The following TDRD9 variants were observed in gnomAD, a reference collection of about 807,000 sequenced individuals.
TDRD9 encodes ATP-dependent RNA helicase TDRD9.
Under a neutral mutation model 172.6 loss-of-function variants are expected in TDRD9, and 124 were observed. The observed-to-expected ratio is 0.72, with a 90% CI of 0.62 to 0.83. The LOEUF (loss-of-function observed/expected upper bound fraction) is 0.83. TDRD9 is among the 40% of genes least tolerant of loss of function. The pLI, the probability that TDRD9 is intolerant of heterozygous loss-of-function variation, is 0.00. For synonymous variants in TDRD9, 619 were observed against 617.1 expected, an observed-to-expected ratio of 1.00 and a Z score of -0.05; for missense variants, 1,479 against 1,714.1, an observed-to-expected ratio of 0.86 and a Z score of 2.42.
chr14:103,961,326 A>T (rs1271345494), intron 2 of TDRD9, among the ~76,000 whole-genome samples: 1 of 152,150 alleles, frequency 6.6e-6, no homozygotes, highest in Non-Finnish European at 1.5e-5. Context: ...CATGCCTGTA[A>T]TCTCAGCAAT....
chr14:103,971,192 C>G (rs1238735556), intron 6 of TDRD9, among the ~76,000 whole-genome samples: 2 of 151,418 alleles, frequency 1.3e-5, no homozygotes, highest in East Asian at 1.9e-4. Context: ...ATCGTGTTAG[C>G]CAGGATGGTC....
At chr14:103,988,973 A>C (rs924266223) in intron 8 of TDRD9, among the ~76,000 whole-genome samples, 4 of 151,996 alleles carry the variant, frequency 2.6e-5, no homozygotes, top group African/African-American at 4.8e-5. Context: ...TTCTTTGTTC[A>C]TGTGGATTTG....
chr14:103,936,882 G>A (rs1004973373), intron 1 of TDRD9, among the ~76,000 whole-genome samples: 1 of 152,118 alleles, frequency 6.6e-6, no homozygotes, highest in East Asian at 1.9e-4. Context: ...ACTTGAGGCC[G>A]GGAATTCGAG....
At chr14:104,035,156 G>A (rs2035413211) in intron 32 of TDRD9, 100 bp downstream of exon 32, 2 of 890,668 alleles carry the variant, frequency 2.2e-6, no homozygotes, top group African/African-American at 1.7e-5. Flanking sequence ...AAGCCTTTAT[G>A]GAAGCTAGCC....
chr14:104,025,934 C>A (rs1214316932), intron 26 of TDRD9, 113 bp from the exon 27 acceptor site: 3 of 971,226 alleles, frequency 3.1e-6, no homozygotes, highest in Non-Finnish European at 4.8e-6. Flanking sequence ...AAGCTCAGGT[C>A]ACTCCAAGAA....
chr14:104,007,100 CT>C, intron 18 of TDRD9, 59 bp from the exon 19 acceptor site: 1 of 1,494,802 alleles, frequency 6.7e-7, no homozygotes, highest in African/African-American at 1.4e-5. Context: ...TGAAATTGTA[CT>C]TAAAAAAAAT....
chr14:104,045,220 G>A (rs2035734526), intron 34 of TDRD9, among the ~76,000 whole-genome samples: 2 of 152,080 alleles, frequency 1.3e-5, no homozygotes, highest in South Asian at 4.2e-4. Flanking sequence ...CAGCAACATA[G>A]GCTGGCTCTG....
intron 32 of TDRD9, 112 bp from the exon 33 acceptor site, chr14:104,040,084 T>C: frequency 1.1e-6 from 1 of 949,688 alleles, no homozygotes; most frequent in Non-Finnish European, 1.4e-6. Flanking sequence ...AATTAATTGC[T>C]GTACTAGGGC....
In TDRD9 at chr14:103,938,440, A is replaced by ATTTTTTTTTTTT. The variant is rs71126087; in HGVS notation, c.215+9721_215+9732dup. 5.6e-4 allele frequency among the ~76,000 whole-genome samples: 25 copies of ATTTTTTTTTTTT among 44,534 alleles called. 1 individual carries two copies. The highest frequency in any genetic ancestry group is 1.7e-3 in the East Asian group (2 of 1,208). The allele number at this position is 44,534 out of a possible 152,430, so 29.2% of individuals were successfully genotyped here. A position where few individuals can be genotyped will look rare whatever the true frequency, so the allele number is the denominator to read the frequency against. ...TATATATATATATATATATATATAT[A>ATTTTTTTTTTTT]TTTTTTTTTTTTTTTTGAGATGGTG... On this transcript the variant is annotated intron_variant, in intron 1 of 35. Coordinates refer to ENST00000409874, the MANE Select transcript of TDRD9 (RefSeq NM_153046.3).
chr14:104,025,910 T>G, intron 26 of TDRD9, 134 bp downstream of exon 26: 2 of 982,614 alleles, frequency 2.0e-6, no homozygotes, highest in Non-Finnish European at 3.1e-6. Flanking sequence ...TTTCCCTCAT[T>G]GATATGTGGA....
Position 104,026,938 on chromosome 14 carries a change from A to G in TDRD9, c.3281A>G (p.Lys1094Arg), listed in dbSNP as rs1175471437. ...CTCACGGAGGAGTCCTACGAGTCCA[A>G]GGTGTGTGCTTTCGCCGTTGCTGGA... is the stretch of plus-strand genomic sequence containing the variant. ...AELTEESYES[K>R]QSHEVLKGLF... is the part of the protein sequence containing the mutation. Residue 1094 changes from lysine (K) to arginine (R), a missense_variant and splice_region_variant, in exon 28 of 36, where the codon AAG (lysine) becomes AGG (arginine). Lys to Arg is a conservative substitution (Grantham distance 26, BLOSUM62 2). Coordinates refer to ENST00000409874, the MANE Select transcript of TDRD9 (RefSeq NM_153046.3). The G allele has an allele frequency of 2.5e-6, 4 of 1,612,070 alleles. No homozygotes were observed. The highest frequency in any genetic ancestry group is 3.4e-6 in the Non-Finnish European group (4 of 1,178,442).
At chr14:103,969,124 C>CAAA (rs2032904896) in intron 5 of TDRD9, among the ~76,000 whole-genome samples, 6 of 148,936 alleles carry the variant, frequency 4.0e-5, no homozygotes, top group Non-Finnish European at 7.4e-5. Context: ...AAAAAAAAAC[C>CAAA]CCCCAAAAAA....
intron 5 of TDRD9, 116 bp from the exon 6 acceptor site, chr14:103,970,425 G>A: frequency 1.4e-6 from 1 of 711,104 alleles, no homozygotes; most frequent in Non-Finnish European, 2.4e-6. Context: ...CTGAGGAACT[G>A]CATTTAGCAG....
intron 2 of TDRD9, 76 bp from the exon 3 acceptor site, chr14:103,963,003 C>G: frequency 2.7e-6 from 2 of 734,958 alleles, no homozygotes; most frequent in Admixed American, 5.5e-5. Flanking sequence ...TATGCTGTAT[C>G]TATAGATTAG....
chr14:103,972,323 C>G (rs2033069817), intron 6 of TDRD9, among the ~76,000 whole-genome samples: 1 of 151,538 alleles, frequency 6.6e-6, no homozygotes, highest in Non-Finnish European at 1.5e-5. Flanking sequence ...AAAACAAAAA[C>G]AAAACAAAAA....
chr14:104,041,188 A>G (rs974498997), intron 33 of TDRD9, among the ~76,000 whole-genome samples: 1 of 152,208 alleles, frequency 6.6e-6, no homozygotes, highest in African/African-American at 2.4e-5. Context: ...CTGTTAAGTC[A>G]TAATTGCCTG....
chr14:103,972,163 C>T (rs560949686), intron 6 of TDRD9, among the ~76,000 whole-genome samples: 19 of 151,160 alleles, frequency 1.3e-4, no homozygotes, highest in African/African-American at 3.9e-4. Flanking sequence ...AAGAATTAGC[C>T]GGGCGTGGTG....
At chr14:103,988,012 T>G (rs2033735262) in intron 8 of TDRD9, among the ~76,000 whole-genome samples, 1 of 152,216 alleles carries the variant, frequency 6.6e-6, no homozygotes, top group South Asian at 2.1e-4. Context: ...CTCTTATCTC[T>G]CGTAACACTT....
In TDRD9 at chr14:104,017,143, C is replaced by T. The variant is rs537886934; in HGVS notation, c.2332-949C>T. Reference sequence around the variant, plus strand: ...TTCCTCTCTCACCCCTCTGCCCCTTCGTGGTTTTCTTCCCTCAGCTGTGCG... The same window carrying T: ...TTCCTCTCTCACCCCTCTGCCCCTTTGTGGTTTTCTTCCCTCAGCTGTGCG... On this transcript the variant is annotated intron_variant, in intron 22 of 35. Transcript: ENST00000409874. 2.2e-3 allele frequency among the ~76,000 whole-genome samples: 338 copies of T among 152,142 alleles called. 2 individuals are homozygous for T. Among genetic ancestry groups the T allele is most frequent in the African/African-American group, 7.9e-3 (326 of 41,500 alleles).
Sources: allele counts gnomAD v4.1 joint callset (sites outside exome capture counted in the v4.1 genomes callset), GRCh38; gene constraint gnomAD v4.1.1; transcripts MANE v1.5; gene names NCBI Gene and HGNC (gene_info 2026-07-23, HGNC 2026-07-21).